EPHA6: variants seen among roughly 807,000 people sequenced by gnomAD.
EPHA6 encodes EPH receptor A6, also known as ephrin type-A receptor 6.
In EPHA6, 50 loss-of-function variants were observed where a neutral mutation model predicts 112.0. The ratio of observed to expected loss-of-function variants is 0.45; its 90% CI spans 0.36 to 0.56. EPHA6 has a LOEUF of 0.56. EPHA6 is among the 20% of genes least tolerant of loss of function. The probability of loss-of-function intolerance (pLI) is 0.00; values close to 1 mark genes in which losing one functional copy is unlikely to be tolerated. For synonymous variants in EPHA6, 529 were observed against 490.7 expected, an observed-to-expected ratio of 1.08 and a Z score of -1.03; for missense variants, 1,280 against 1,417.4, an observed-to-expected ratio of 0.90 and a Z score of 1.56.
chr3:97,062,599 G>A lies in EPHA6; in HGVS notation c.1114+74606G>A, dbSNP rs144714868. 2.5e-3 allele frequency among the ~76,000 whole-genome samples: 379 copies of A among 152,260 alleles called. 3 individuals carry two copies. Among genetic ancestry groups the A allele is most frequent in the African/African-American group, 8.4e-3 (350 of 41,546 alleles). On this transcript the variant is annotated intron_variant, in intron 3 of 17. Transcript: ENST00000389672. The stretch of plus-strand genomic sequence containing the variant: ...GCTCCTATAATTCCCATGTGTTGTG[G>A]GAGGGACCCAATGGGAGATAATTGA...
chr3:97,169,498 C>T (rs971429127), intron 3 of EPHA6, among the ~76,000 whole-genome samples: 1 of 152,034 alleles, frequency 6.6e-6, no homozygotes, highest in African/African-American at 2.4e-5. Context: ...TCTAGTTAAA[C>T]TATTATTAGT....
intron 8 of EPHA6, among the ~76,000 whole-genome samples, chr3:97,475,840 G>T (rs1334819664): frequency 6.6e-6 from 1 of 151,966 alleles, no homozygotes. Context: ...ATAATATTTT[G>T]TCAATTAAAT....
intron 6 of EPHA6, among the ~76,000 whole-genome samples, chr3:97,422,055 A>C (rs543921897): frequency 2.3e-4 from 35 of 151,972 alleles, no homozygotes; most frequent in African/African-American, 8.0e-4. Flanking sequence ...TACAAGGAAA[A>C]TATTTCACAA....
At chr3:96,888,048 C>T (rs924991629) in intron 2 of EPHA6, among the ~76,000 whole-genome samples, 1 of 152,146 alleles carries the variant, frequency 6.6e-6, no homozygotes, top group Non-Finnish European at 1.5e-5. Context: ...GGGTTTGACT[C>T]TTCCCCCACC....
chr3:97,278,023 C>T (rs762034117), intron 5 of EPHA6, among the ~76,000 whole-genome samples: 12 of 152,268 alleles, frequency 7.9e-5, no homozygotes, highest in Admixed American at 3.9e-4. Flanking sequence ...TATCGTTGAC[C>T]GAAACATTAT....
intron 3 of EPHA6, among the ~76,000 whole-genome samples, chr3:97,094,590 A>G (rs1185637305): frequency 6.6e-6 from 1 of 152,134 alleles, no homozygotes; most frequent in Non-Finnish European, 1.5e-5. Flanking sequence ...AACATTTCTC[A>G]GTTATTAAAA....
intron 2 of EPHA6, among the ~76,000 whole-genome samples, chr3:96,901,857 T>C (rs575536563): frequency 6.6e-6 from 1 of 152,320 alleles, no homozygotes; most frequent in South Asian, 2.1e-4. Flanking sequence ...ATGATTGATA[T>C]TATGCATTAA....
chr3:97,371,639 A>C (rs2085063383), intron 5 of EPHA6, among the ~76,000 whole-genome samples: 1 of 152,158 alleles, frequency 6.6e-6, no homozygotes, highest in Admixed American at 6.5e-5. Flanking sequence ...GAACAGGATA[A>C]CAGCAATGTT....
At chr3:97,090,216 T>C (rs373175359) in intron 3 of EPHA6, among the ~76,000 whole-genome samples, 1 of 152,070 alleles carries the variant, frequency 6.6e-6, no homozygotes, top group East Asian at 1.9e-4. Flanking sequence ...TGTTTCAAAA[T>C]GGATTAAGTT....
intron 5 of EPHA6, among the ~76,000 whole-genome samples, chr3:97,343,663 G>A (rs754059017): frequency 2.0e-5 from 3 of 152,062 alleles, no homozygotes; most frequent in Non-Finnish European, 1.5e-5. Flanking sequence ...CTACCAGATG[G>A]GACTAAAGGA....
intron 5 of EPHA6, among the ~76,000 whole-genome samples, chr3:97,390,395 C>T (rs148218348): frequency 3.0e-4 from 46 of 151,968 alleles, no homozygotes; most frequent in African/African-American, 9.6e-4. Context: ...CTTTCTGTGA[C>T]TTCTGGAATA....
At chr3:97,289,658 G>C (rs2080608646) in intron 5 of EPHA6, among the ~76,000 whole-genome samples, 1 of 151,966 alleles carries the variant, frequency 6.6e-6, no homozygotes, top group South Asian at 2.1e-4. Flanking sequence ...TGGGAAGTAT[G>C]GCCATTTTAA....
intron 5 of EPHA6, among the ~76,000 whole-genome samples, chr3:97,338,596 G>A (rs890664364): frequency 2.0e-5 from 3 of 152,092 alleles, no homozygotes; most frequent in African/African-American, 7.2e-5. Context: ...TATTATAGCT[G>A]ACTTCAAATA....
chr3:97,143,742 C>A (rs867747219), intron 3 of EPHA6, among the ~76,000 whole-genome samples: 1 of 151,604 alleles, frequency 6.6e-6, no homozygotes, highest in African/African-American at 2.4e-5. Context: ...TTTCTTGTAT[C>A]CCATCACCAA....
intron 12 of EPHA6, among the ~76,000 whole-genome samples, chr3:97,601,386 A>T (rs1278747800): frequency 6.6e-6 from 1 of 152,106 alleles, no homozygotes; most frequent in Non-Finnish European, 1.5e-5. Context: ...TCAGCTGTCT[A>T]TTCCTCTCCA....
chr3:97,715,441 T>C (rs2034171772), intron 14 of EPHA6, among the ~76,000 whole-genome samples: 1 of 152,334 alleles, frequency 6.6e-6, no homozygotes, highest in African/African-American at 2.4e-5. Flanking sequence ...TATGCTTTAG[T>C]ATAATATATA....
chr3:97,636,861 CATAA>C (rs1246592320), intron 13 of EPHA6, among the ~76,000 whole-genome samples: 2 of 151,866 alleles, frequency 1.3e-5, no homozygotes, highest in Non-Finnish European at 2.9e-5. Flanking sequence ...TAATATCATT[CATAA>C]ATAAATGTTG....
At chr3:97,173,723 T>C (rs1216794357) in intron 3 of EPHA6, among the ~76,000 whole-genome samples, 1 of 151,838 alleles carries the variant, frequency 6.6e-6, no homozygotes, top group African/African-American at 2.4e-5. Flanking sequence ...TTATTAACTA[T>C]CCTGCCAAAG....
chr3:97,263,584 T>C (rs1415713920), intron 5 of EPHA6, among the ~76,000 whole-genome samples: 1 of 151,768 alleles, frequency 6.6e-6, no homozygotes, highest in Non-Finnish European at 1.5e-5. Context: ...TACTTAGGAA[T>C]TAGTTTCAAT....
Sources: allele counts gnomAD v4.1 joint callset (sites outside exome capture counted in the v4.1 genomes callset), GRCh38; gene constraint gnomAD v4.1.1; transcripts MANE v1.5; gene names NCBI Gene and HGNC (gene_info 2026-07-23, HGNC 2026-07-21).